Variants in PPP1R3A observed in about 807,000 individuals in gnomAD.
PPP1R3A encodes the protein RG1.
In PPP1R3A, 29 loss-of-function variants were observed where a neutral mutation model predicts 41.7. The ratio of observed to expected loss-of-function variants is 0.70; its 90% CI spans 0.52 to 0.95. The LOEUF (loss-of-function observed/expected upper bound fraction) is 0.95. PPP1R3A is among the 40% of genes least tolerant of loss of function. The pLI is 0.00. For synonymous variants in PPP1R3A, 485 were observed against 453.4 expected, an observed-to-expected ratio of 1.07 and a Z score of -0.89; for missense variants, 1,352 against 1,292.4, an observed-to-expected ratio of 1.05 and a Z score of -0.71.
At chr7:113,883,123 C>G (rs1169566628) in intron 1 of PPP1R3A, among the ~76,000 whole-genome samples, 4 of 151,826 alleles carry the variant, frequency 2.6e-5, no homozygotes, top group Non-Finnish European at 5.9e-5. Context: ...TAGATTTGTC[C>G]ATGAAACTCA....
chr7:113,883,734 A>G (rs2129114593), intron 1 of PPP1R3A, among the ~76,000 whole-genome samples: 1 of 152,060 alleles, frequency 6.6e-6, no homozygotes, highest in Non-Finnish European at 1.5e-5. Flanking sequence ...AACAGCATTT[A>G]TTTATTCCTG....
At chr7:113,884,945 G>C (rs375287330) in intron 1 of PPP1R3A, among the ~76,000 whole-genome samples, 4 of 152,078 alleles carry the variant, frequency 2.6e-5, no homozygotes, top group African/African-American at 9.7e-5. Flanking sequence ...AGCATTATTA[G>C]AGAATAAATG....
chr7:113,899,705 C>T (rs1797032273), intron 1 of PPP1R3A, among the ~76,000 whole-genome samples: 1 of 151,658 alleles, frequency 6.6e-6, no homozygotes, highest in Non-Finnish European at 1.5e-5. Context: ...TTAAAAATAC[C>T]AAGCCTGCAA....
Position 113,882,274 on chromosome 7 carries a change from G to T in PPP1R3A, c.829C>A (p.Pro277Thr). The T allele has an allele frequency of 1.3e-6, 2 of 1,495,818 alleles. No individual in the cohort carries two copies. Among genetic ancestry groups the T allele is most frequent in the Admixed American group, 1.7e-5 (1 of 59,396 alleles). The allele number at this position is 1,495,818 out of a possible 1,614,324, so 92.7% of individuals were successfully genotyped here. ...VTSEENNFENPKNTDTYIPTI... is the reference protein window; with the variant it reads ...VTSEENNFENTKNTDTYIPTI... The stretch of plus-strand genomic sequence containing the variant: ...TGAAGAATATTACCTGTATTCTTTG[G>T]ATTCTCAAAGTTATTTTCTTCTGAT... Residue 277 changes from proline (P) to threonine (T), a missense_variant, in exon 2 of 4, where the codon CCA (proline) becomes ACA (threonine). Coordinates refer to ENST00000284601, the MANE Select transcript of PPP1R3A (RefSeq NM_002711.4).
chr7:113,907,399 T>A (rs925557699), intron 1 of PPP1R3A, among the ~76,000 whole-genome samples: 2 of 151,714 alleles, frequency 1.3e-5, no homozygotes, highest in Non-Finnish European at 2.9e-5. Flanking sequence ...GAAGGTGGTT[T>A]TGACATCAAA....
At position 113,879,857 on chromosome 7, in the gene PPP1R3A, A is replaced by G; in HGVS notation, c.1235T>C (p.Met412Thr). Residue 412 changes from methionine (M) to threonine (T), a missense_variant, in exon 4 of 4, where the codon ATG (methionine) becomes ACG (threonine). Met to Thr is a moderately conservative substitution (Grantham distance 81). Coordinates refer to ENST00000284601, the MANE Select transcript of PPP1R3A (RefSeq NM_002711.4). The part of the protein sequence containing the change: ...HQPSEETTSN[M>T]GEIKPSLGDT... ...TCCCAATGATGGCTTGATTTCTCCC[A>G]TATTTGAAGTAGTTTCCTCTGAAGG... The G allele has an allele frequency of 1.2e-6, 2 of 1,613,504 alleles. No homozygotes were observed. The highest frequency in any genetic ancestry group is 1.1e-5 in the South Asian group (1 of 91,062).
chr7:113,892,900 T>G (rs746571890), intron 1 of PPP1R3A, among the ~76,000 whole-genome samples: 30 of 152,060 alleles, frequency 2.0e-4, no homozygotes, highest in Non-Finnish European at 3.5e-4. Context: ...ATCGTTTTGT[T>G]TTGGTTTTGA....
In PPP1R3A at chr7:113,877,876, G is replaced by C. The variant is rs767781067; in HGVS notation, c.3216C>G (p.Thr1072=). 1.2e-5 allele frequency: 19 copies of C among 1,610,576 alleles called. No homozygotes were observed. The highest frequency in any genetic ancestry group is 1.5e-5 in the Non-Finnish European group (18 of 1,177,430). ...QGNESLFSKY[T]NSKIPYFLLF... ...AAAGGAAATAAGGTATTTTAGAGTT[G>C]GTATATTTTGAAAACAAAGATTCGT... Residue 1072 remains threonine (T), a synonymous_variant, in exon 4 of 4, where the codon ACC becomes ACG. Transcript: ENST00000284601.
Position 113,877,873 on chromosome 7 carries a change from G to A in PPP1R3A, c.3219C>T (p.Asn1073=), listed in dbSNP as rs1796597133. 1 of 1,610,938 alleles carries A rather than the reference G, an allele frequency of 6.2e-7. No individual in the cohort carries two copies. The highest frequency in any genetic ancestry group is 2.2e-5 in the East Asian group (1 of 44,796). The change falls in exon 4 of 4, where the codon AAC becomes AAT. Residue 1073 remains asparagine (N), a synonymous_variant. Coordinates refer to ENST00000284601, the MANE Select transcript of PPP1R3A (RefSeq NM_002711.4). ...ACAAAAGGAAATAAGGTATTTTAGAGTTGGTATATTTTGAAAACAAAGATT... is the reference window on the plus strand; with the variant it reads ...ACAAAAGGAAATAAGGTATTTTAGAATTGGTATATTTTGAAAACAAAGATT... ...GNESLFSKYT[N]SKIPYFLLFL... is the part of the protein sequence containing the mutation.
intron 1 of PPP1R3A, among the ~76,000 whole-genome samples, chr7:113,913,719 G>C (rs1245424744): frequency 6.6e-6 from 1 of 152,054 alleles, no homozygotes; most frequent in Non-Finnish European, 1.5e-5. Context: ...TGCTGAGAAG[G>C]GAGACCACCC....
At chr7:113,889,414 G>A (rs954260574) in intron 1 of PPP1R3A, among the ~76,000 whole-genome samples, 1 of 152,148 alleles carries the variant, frequency 6.6e-6, no homozygotes, top group Non-Finnish European at 1.5e-5. Context: ...AGACTTAAAA[G>A]GAAAAGCATG....
intron 1 of PPP1R3A, among the ~76,000 whole-genome samples, chr7:113,901,283 T>C (rs1412333245): frequency 6.6e-6 from 1 of 151,656 alleles, no homozygotes; most frequent in Admixed American, 6.6e-5. Context: ...CGAAGGTCCA[T>C]TACCTGAACA....
intron 1 of PPP1R3A, among the ~76,000 whole-genome samples, chr7:113,903,935 A>G (rs2129118933): frequency 6.6e-6 from 1 of 151,772 alleles, no homozygotes; most frequent in Non-Finnish European, 1.5e-5. Flanking sequence ...CTCCACATTC[A>G]CAAATTTTAC....
chr7:113,882,022 G>A lies in PPP1R3A; in HGVS notation c.966+17C>T, dbSNP rs1315994756. On this transcript the variant is annotated intron_variant, in intron 3 of 3. Transcript: ENST00000284601. Reference sequence around the variant, plus strand: ...TGGATTCATCTTCTCTAATACCGTGGCAACCAGAACACTTACCATCAACTC... The same window carrying A: ...TGGATTCATCTTCTCTAATACCGTGACAACCAGAACACTTACCATCAACTC... The A allele has an allele frequency of 1.9e-6, 3 of 1,611,550 alleles. No individual in the cohort carries two copies. Among genetic ancestry groups the A allele is most frequent in the East Asian group, 4.5e-5 (2 of 44,756 alleles).
intron 1 of PPP1R3A, among the ~76,000 whole-genome samples, chr7:113,906,925 T>C (rs1562925355): frequency 3.3e-5 from 5 of 151,730 alleles, no homozygotes; most frequent in Non-Finnish European, 5.9e-5. Context: ...AGGAAGGATC[T>C]GGATAAATTA....
chr7:113,882,543 C>G (rs1027795092), intron 1 of PPP1R3A, among the ~76,000 whole-genome samples: 2 of 151,558 alleles, frequency 1.3e-5, no homozygotes, highest in African/African-American at 4.8e-5. Flanking sequence ...TCAAACAATG[C>G]CATATTTCTA....
In PPP1R3A at chr7:113,877,999, T is replaced by C. The variant is rs145369728; in HGVS notation, c.3093A>G (p.Leu1031=). 6 of 1,613,258 alleles carry C rather than the reference T, an allele frequency of 3.7e-6. No homozygotes were observed. The highest frequency in any genetic ancestry group is 5.1e-6 in the Non-Finnish European group (6 of 1,179,644). The change falls in exon 4 of 4, where the codon TTA becomes TTG. Residue 1031 remains leucine, a synonymous_variant. Coordinates refer to ENST00000284601, the MANE Select transcript of PPP1R3A (RefSeq NM_002711.4). ...MEEARHENEG[L]VSSGQSLYTS... ...TGTATAGTGATTGCCCAGAGCTTAC[T>C]AATCCTTCATTTTCATGCCTTGCTT...
At chr7:113,909,527 C>A (rs572074338) in intron 1 of PPP1R3A, among the ~76,000 whole-genome samples, 2 of 152,094 alleles carry the variant, frequency 1.3e-5, no homozygotes, top group Non-Finnish European at 1.5e-5. Context: ...TATTCCTGAT[C>A]CATCAGTGTT....
chr7:113,884,094 T>C lies in PPP1R3A; in HGVS notation c.783-1774A>G, dbSNP rs1009439299. Among the ~76,000 whole-genome samples the C allele has an allele frequency of 2.6e-5, 4 of 152,034 alleles. No homozygotes were observed. In the East Asian group the frequency reaches 7.7e-4, roughly 29 times the overall value. On this transcript the variant is annotated intron_variant, in intron 1 of 3. Transcript: ENST00000284601. The stretch of plus-strand genomic sequence containing the variant: ...AAACAAAAACAGAAAATACGTAAGA[T>C]TTCTATGGGCAAAGTAATAAAATTA...
Sources: gnomAD v4.1 joint callset for allele counts (sites outside exome capture counted in the v4.1 genomes callset) on GRCh38, gnomAD v4.1.1 for gene constraint, MANE v1.5 for transcripts, NCBI Gene and HGNC (gene_info 2026-07-23, HGNC 2026-07-21) for gene names.